DPYD: variants seen among roughly 807,000 people sequenced by gnomAD.
DPYD encodes the protein dihydropyrimidine dehydrogenase [NADP(+)].
A neutral mutation model predicts 116.2 loss-of-function variants in DPYD; 109 were observed. The observed-to-expected ratio is 0.94, with a 90% CI of 0.80 to 1.10. The LOEUF is 1.10. Ranked by LOEUF, DPYD falls within the 50% of genes least tolerant of loss-of-function variation. The pLI is 0.00. For missense variants in DPYD, 1,302 were observed against 1,254.5 expected (o/e 1.04, Z -0.57); for synonymous variants, 440 against 432.0 (o/e 1.02, Z -0.23).
At chr1:97,502,091 A>T (rs1347568167) in intron 13 of DPYD, among the ~76,000 whole-genome samples, 1 of 152,034 alleles carries the variant, frequency 6.6e-6, no homozygotes, top group Non-Finnish European at 1.5e-5. Flanking sequence ...TTTCTTTCAG[A>T]AATATTACAG....
chr1:97,303,735 G>T (rs1292037425), intron 18 of DPYD, among the ~76,000 whole-genome samples: 1 of 151,820 alleles, frequency 6.6e-6, no homozygotes, highest in Non-Finnish European at 1.5e-5. Flanking sequence ...TTAGAAATGA[G>T]GTACAAGTCC....
intron 14 of DPYD, among the ~76,000 whole-genome samples, chr1:97,386,702 A>C (rs1356917): frequency 0.19 from 29,153 of 152,038 alleles, 2,965 homozygotes; most frequent in South Asian, 0.38. Context: ...GAAATGGTCT[A>C]AGGATTCTAA....
chr1:97,727,394 C>A (rs1663326622), intron 4 of DPYD, among the ~76,000 whole-genome samples: 1 of 151,622 alleles, frequency 6.6e-6, no homozygotes, highest in Non-Finnish European at 1.5e-5. Flanking sequence ...ATGCATGAAC[C>A]AAATTATGGA....
rs150836789 is a variant in DPYD at position 97,812,954 on chromosome 1, T to G, written c.233+15160A>C. 5.0e-3 allele frequency among the ~76,000 whole-genome samples: 763 copies of G among 152,168 alleles called. 7 individuals are homozygous for G. The highest frequency in any genetic ancestry group is 0.017 in the African/African-American group (706 of 41,526). On this transcript the variant is annotated intron_variant, in intron 3 of 22. Coordinates refer to ENST00000370192, the MANE Select transcript of DPYD (RefSeq NM_000110.4). ...AAAGAACAATCAATTCTCAAAAAATTTCAGATGAACAGATTATAATCCCGA... is the reference window on the plus strand; with the variant it reads ...AAAGAACAATCAATTCTCAAAAAATGTCAGATGAACAGATTATAATCCCGA...
chr1:97,344,298 T>G (rs183417668), intron 16 of DPYD, among the ~76,000 whole-genome samples: 38 of 152,030 alleles, frequency 2.5e-4, no homozygotes, highest in Non-Finnish European at 3.4e-4. Context: ...ATTTTTTGAA[T>G]AGACAGACCA....
chr1:97,254,291 T>G (rs666924), intron 18 of DPYD, among the ~76,000 whole-genome samples: 2 of 151,888 alleles, frequency 1.3e-5, no homozygotes, highest in Non-Finnish European at 2.9e-5. Context: ...TATATACTTA[T>G]TTGTATGAAT....
intron 1 of DPYD, among the ~76,000 whole-genome samples, chr1:97,905,287 C>T (rs1248878911): frequency 3.3e-5 from 5 of 151,894 alleles, no homozygotes; most frequent in Admixed American, 2.6e-4. Flanking sequence ...ATAAAATTAA[C>T]CTTAGATCAT....
At chr1:97,456,765 G>T (rs2101811360) in intron 13 of DPYD, among the ~76,000 whole-genome samples, 1 of 152,200 alleles carries the variant, frequency 6.6e-6, no homozygotes, top group South Asian at 2.1e-4. Context: ...AACTTTAGAA[G>T]AAAATATACA....
In DPYD at chr1:97,788,806, A is replaced by T. The variant is rs1667172766; in HGVS notation, c.233+39308T>A. On this transcript the variant is annotated intron_variant, in intron 3 of 22. Transcript: ENST00000370192. ...AAATACAAGCTGTATTATTTTTCTT[A>T]TTGTTGTTGTTGTTGTTGTTGTTTG... Among the ~76,000 whole-genome samples the T allele has an allele frequency of 2.0e-5, 3 of 151,906 alleles. 1 individual carries two copies. The South Asian group carries it at 6.2e-4, about 32-fold the overall frequency.
At chr1:97,624,830 A>T (rs1292574844) in intron 8 of DPYD, among the ~76,000 whole-genome samples, 1 of 152,068 alleles carries the variant, frequency 6.6e-6, no homozygotes, top group Non-Finnish European at 1.5e-5. Flanking sequence ...GGAATTGGAG[A>T]ACATTACACT....
rs576350938 is a variant in DPYD, at chr1:97,339,146, A to C, written c.2059-32849T>G. 4.2e-4 allele frequency among the ~76,000 whole-genome samples: 64 copies of C among 152,304 alleles called. 1 individual carries two copies. Among genetic ancestry groups the C allele is most frequent in the Admixed American group, 3.6e-3 (55 of 15,304 alleles). ...ACCAAAATAAAGGGACAAAGAAGGA[A>C]ATTAGTGATAAAATAAGTGATTTAG... is the stretch of plus-strand genomic sequence containing the variant. On this transcript the variant is annotated intron_variant, in intron 16 of 22. Transcript: ENST00000370192.
At chr1:97,791,611 T>C (rs1447128955) in intron 3 of DPYD, among the ~76,000 whole-genome samples, 1 of 152,232 alleles carries the variant, frequency 6.6e-6, no homozygotes, top group Admixed American at 6.5e-5. Flanking sequence ...TGGTTGTGAA[T>C]CAGCTGGCCT....
chr1:97,425,869 A>T (rs756197413), intron 14 of DPYD, among the ~76,000 whole-genome samples: 9 of 151,756 alleles, frequency 5.9e-5, no homozygotes, highest in Non-Finnish European at 1.2e-4. Context: ...CATATTATAC[A>T]TTTCAGCTTC....
intron 10 of DPYD, among the ~76,000 whole-genome samples, chr1:97,581,629 C>G (rs1377416069): frequency 1.3e-5 from 2 of 150,708 alleles, no homozygotes; most frequent in Non-Finnish European, 1.5e-5. Flanking sequence ...GCCTGTAGTC[C>G]CAGCTACTTG....
Position 97,192,985 on chromosome 1 carries a change from T to C in DPYD, c.2622+84A>G, listed in dbSNP as rs537338471. On this transcript the variant is annotated intron_variant, in intron 20 of 22. Coordinates refer to ENST00000370192, the MANE Select transcript of DPYD (RefSeq NM_000110.4). Reference sequence around the variant, plus strand: ...GGAGGCACTGTGTTTCCTTTGTTAGTGAGAATGTGAGATGGTAAATAAGAT... The same window carrying C: ...GGAGGCACTGTGTTTCCTTTGTTAGCGAGAATGTGAGATGGTAAATAAGAT... The C allele has an allele frequency of 1.0e-4, 147 of 1,474,190 alleles. No individual in the cohort carries two copies. The African/African-American group carries it at 1.9e-3, about 19-fold the overall frequency. 91.3% of individuals were successfully genotyped at this position (1,474,190 alleles called of 1,614,324 possible).
Position 97,165,866 on chromosome 1 carries a change from T to C in DPYD, c.2622+27203A>G, listed in dbSNP as rs59172294. Among the ~76,000 whole-genome samples the C allele has an allele frequency of 9.6e-3, 1,462 of 151,956 alleles. 14 individuals carry two copies. Among genetic ancestry groups the C allele is most frequent in the African/African-American group, 0.033 (1,357 of 41,440 alleles). ...TAGATAAATGCAAATCAAAACCACA[T>C]TGAGAAACCATCTCACATCAGTCAG... On this transcript the variant is annotated intron_variant, in intron 20 of 22. Coordinates refer to ENST00000370192, the MANE Select transcript of DPYD (RefSeq NM_000110.4).
At chr1:97,584,944 T>TATTATA (rs1553200011) in intron 10 of DPYD, among the ~76,000 whole-genome samples, 8 of 146,052 alleles carry the variant, frequency 5.5e-5, no homozygotes, top group African/African-American at 1.7e-4. Context: ...AAACTTAAAG[T>TATTATA]ATAATAATAA....
intron 13 of DPYD, among the ~76,000 whole-genome samples, chr1:97,500,417 A>C (rs1679507560): frequency 6.6e-6 from 1 of 152,038 alleles, no homozygotes; most frequent in Admixed American, 6.6e-5. Flanking sequence ...TATGATTCAC[A>C]GTGATATATA....
intron 5 of DPYD, among the ~76,000 whole-genome samples, chr1:97,717,862 C>T (rs1272295748): frequency 6.6e-6 from 1 of 151,744 alleles, no homozygotes; most frequent in Non-Finnish European, 1.5e-5. Flanking sequence ...CATTATCCAA[C>T]CATTGACTGA....
Sources: allele counts gnomAD v4.1 joint callset (sites outside exome capture counted in the v4.1 genomes callset), GRCh38; gene constraint gnomAD v4.1.1; transcripts MANE v1.5; gene names NCBI Gene and HGNC (gene_info 2026-07-23, HGNC 2026-07-21).